Variants in AMMECR1 observed in about 807,000 individuals in gnomAD.
AMMECR1 encodes the protein AMMECR nuclear protein 1, also known as nuclear protein AMMECR1.
Under a neutral mutation model 22.5 loss-of-function variants are expected in AMMECR1, and 3 were observed. The observed-to-expected ratio is 0.13, with a 90% CI of 0.06 to 0.35. AMMECR1 has a LOEUF of 0.35. AMMECR1 is among the 10% of genes least tolerant of loss of function. The pLI is 1.00. For missense variants in AMMECR1, 235 were observed against 278.7 expected (o/e 0.84, Z 1.12); for synonymous variants, 130 against 116.7 (o/e 1.11, Z -0.74).
At chrX:110,343,436 A>G (rs1217555509) in intron 2 of AMMECR1, among the ~76,000 whole-genome samples, 1 of 111,540 alleles carries the variant, frequency 9.0e-6, no homozygotes, top group Non-Finnish European at 1.9e-5. Flanking sequence ...CTGGCACAAG[A>G]CAGGGATGCC....
chrX:110,263,861 A>C (rs1475451846), intron 2 of AMMECR1, among the ~76,000 whole-genome samples: 2 of 112,370 alleles, frequency 1.8e-5, no homozygotes, highest in East Asian at 5.5e-4. Context: ...AACTTGAACC[A>C]AAAAATTCAC....
chrX:110,371,160 G>A (rs1286472748), intron 2 of AMMECR1, among the ~76,000 whole-genome samples: 1 of 111,183 alleles, frequency 9.0e-6, no homozygotes, highest in Non-Finnish European at 1.9e-5. Context: ...CATACAGAGA[G>A]TTCCCGTTAG....
intron 1 of AMMECR1, among the ~76,000 whole-genome samples, chrX:110,296,943 A>G (rs1041661160): frequency 9.0e-6 from 1 of 110,689 alleles, no homozygotes; most frequent in African/African-American, 3.3e-5. Flanking sequence ...AATTTTTTTT[A>G]GTTGAAAACT....
chrX:110,197,022 C>T lies in AMMECR1; in HGVS notation c.*1498G>A, dbSNP rs2067374179. ...TTCCAAAGACACACAGACACACACA[C>T]ATAACCATAAAATGAAGGTCATCTT... On this transcript the variant is annotated 3_prime_UTR_variant, in exon 6 of 6. Coordinates refer to ENST00000262844, the MANE Select transcript of AMMECR1 (RefSeq NM_015365.3). The T allele has an allele frequency of 8.9e-6, 1 of 112,281 alleles. No individual in the cohort carries two copies. Among genetic ancestry groups the T allele is most frequent in the South Asian group, 3.7e-4 (1 of 2,730 alleles). The allele number at this position is 112,281 out of a possible 1,213,427, so 9.3% of individuals were successfully genotyped here.
chrX:110,236,621 C>T (rs1230943966), intron 2 of AMMECR1, among the ~76,000 whole-genome samples: 2 of 112,126 alleles, frequency 1.8e-5, no homozygotes, highest in East Asian at 5.6e-4. Flanking sequence ...TACCCAGTGC[C>T]TAGCACACAG....
chrX:110,418,341 C>G (rs1304393971), intron 2 of AMMECR1, among the ~76,000 whole-genome samples: 1 of 112,347 alleles, frequency 8.9e-6, no homozygotes, highest in Non-Finnish European at 1.9e-5. Flanking sequence ...ACTCGAGTCT[C>G]TCACTGTGTA....
rs79335807 is a variant in AMMECR1, at chrX:110,236,382, A to C, written c.585-19750T>G. Among the ~76,000 whole-genome samples, 3 of 111,789 alleles carry C rather than the reference A, an allele frequency of 2.7e-5. No homozygotes were observed. In the East Asian group the frequency reaches 8.3e-4, roughly 31 times the overall value. On this transcript the variant is annotated intron_variant, in intron 2 of 5. Coordinates refer to ENST00000262844, the MANE Select transcript of AMMECR1 (RefSeq NM_015365.3). ...CTAAGTCACATTCCAGAAATAAAAA[A>C]CAAAAAAAGAAAAAAAAAAGAGGAA...
chrX:110,296,714 A>G (rs2067937906), intron 1 of AMMECR1, among the ~76,000 whole-genome samples: 1 of 111,314 alleles, frequency 9.0e-6, no homozygotes, highest in Admixed American at 9.6e-5. Context: ...TTGGTTCTTT[A>G]TAACGTCTCT....
chrX:110,296,880 T>C (rs773342019), intron 1 of AMMECR1, among the ~76,000 whole-genome samples: 2 of 111,136 alleles, frequency 1.8e-5, no homozygotes, highest in South Asian at 3.8e-4. Context: ...AGTGACAGTT[T>C]TTATTGACTG....
intron 2 of AMMECR1, among the ~76,000 whole-genome samples, chrX:110,360,338 A>C (rs992815742): frequency 4.5e-5 from 5 of 111,951 alleles, no homozygotes; most frequent in African/African-American, 1.6e-4. Context: ...GGACCTACAG[A>C]ATAGGTAGGC....
intron 2 of AMMECR1, among the ~76,000 whole-genome samples, chrX:110,341,805 C>G (rs1215510703): frequency 8.9e-6 from 1 of 112,535 alleles, no homozygotes; most frequent in African/African-American, 3.2e-5. Flanking sequence ...TGGCTCACGC[C>G]TGTAATCCCA....
At position 110,257,960 on chromosome X, in the gene AMMECR1, G is replaced by T. The variant is rs370488194; in HGVS notation, c.584+6529C>A. ...CTTTACAGATAGATGTAAAAATAGG[G>T]TAAATTTCTTATAGTTCACTCTCTC... is the stretch of plus-strand genomic sequence containing the variant. On this transcript the variant is annotated intron_variant, in intron 2 of 5. Transcript: ENST00000262844. Among the ~76,000 whole-genome samples, 5 of 111,327 alleles carry T rather than the reference G, an allele frequency of 4.5e-5. No homozygotes were observed. In the East Asian group the frequency reaches 1.1e-3, roughly 25 times the overall value.
intron 2 of AMMECR1, among the ~76,000 whole-genome samples, chrX:110,381,708 G>A (rs2068420763): frequency 1.8e-5 from 2 of 111,187 alleles, no homozygotes; most frequent in African/African-American, 6.6e-5. Context: ...TAAAGAAAAT[G>A]TACACGTACA....
intron 1 of AMMECR1, among the ~76,000 whole-genome samples, chrX:110,301,955 A>G (rs766210967): frequency 1.8e-5 from 2 of 111,791 alleles, no homozygotes; most frequent in Admixed American, 1.9e-4. Flanking sequence ...GTGCCAAATA[A>G]TTTTTCAAGC....
intron 1 of AMMECR1, among the ~76,000 whole-genome samples, chrX:110,293,984 G>A (rs971977964): frequency 9.0e-6 from 1 of 111,248 alleles, no homozygotes; most frequent in Admixed American, 9.6e-5. Context: ...TTAAGGGCAG[G>A]GAAGCCTTAT....
At chrX:110,362,216 T>C (rs967028417) in intron 2 of AMMECR1, among the ~76,000 whole-genome samples, 6 of 111,427 alleles carry the variant, frequency 5.4e-5, no homozygotes, top group African/African-American at 1.6e-4. Flanking sequence ...GTTTGCAGCA[T>C]ATCAACTCTC....
intron 2 of AMMECR1, among the ~76,000 whole-genome samples, chrX:110,242,060 T>A (rs1434762700): frequency 9.0e-6 from 1 of 111,120 alleles, no homozygotes; most frequent in African/African-American, 3.3e-5. Context: ...CTTAGTTACC[T>A]TGTCACAAAG....
intron 2 of AMMECR1, among the ~76,000 whole-genome samples, chrX:110,262,885 A>G (rs2067749025): frequency 9.0e-6 from 1 of 111,704 alleles, no homozygotes; most frequent in Admixed American, 9.5e-5. Flanking sequence ...CCTGTAGTCA[A>G]ATAAGCCTGG....
At chrX:110,423,076 C>T (rs186425268) in intron 2 of AMMECR1, among the ~76,000 whole-genome samples, 17 of 112,106 alleles carry the variant, frequency 1.5e-4, no homozygotes, top group Middle Eastern at 4.6e-3. Context: ...GCCTGTAATC[C>T]CAGCACTTTG....
Sources: gnomAD v4.1 joint callset for allele counts (sites outside exome capture counted in the v4.1 genomes callset) on GRCh38, gnomAD v4.1.1 for gene constraint, MANE v1.5 for transcripts, NCBI Gene and HGNC (gene_info 2026-07-23, HGNC 2026-07-21) for gene names.